Variants in CPS1 observed in about 807,000 individuals in gnomAD.
The protein encoded by CPS1 is carbamoyl-phosphate synthase 1, also known as carbamoyl-phosphate synthase [ammonia], mitochondrial.
Under a neutral mutation model 174.6 loss-of-function variants are expected in CPS1, and 109 were observed. The observed-to-expected ratio is 0.62, with a 90% CI of 0.53 to 0.73. CPS1 has a LOEUF of 0.73. CPS1 is among the 30% of genes least tolerant of loss of function. The probability of loss-of-function intolerance (pLI) is 0.00; values close to 1 mark genes in which losing one functional copy is unlikely to be tolerated. For missense variants in CPS1, 1,689 were observed against 1,821.9 expected (o/e 0.93, Z 1.33); for synonymous variants, 637 against 632.0 (o/e 1.01, Z -0.12).
intron 12 of CPS1, 74 bp downstream of exon 12, chr2:210,594,680 G>A (rs190607461): frequency 3.5e-4 from 340 of 975,834 alleles, no homozygotes; most frequent in Middle Eastern, 1.2e-3. Flanking sequence ...TAAAAACTAA[G>A]TGATGTAAGG....
intron 19 of CPS1, among the ~76,000 whole-genome samples, chr2:210,608,796 C>T (rs1462517656): frequency 6.6e-6 from 1 of 151,776 alleles, no homozygotes; most frequent in Non-Finnish European, 1.5e-5. Context: ...TGAAGGTCTT[C>T]CTATTCAAAA....
chr2:210,560,946 TATTA>T (rs1327021161), intron 1 of CPS1, among the ~76,000 whole-genome samples: 1 of 152,182 alleles, frequency 6.6e-6, no homozygotes, highest in African/African-American at 2.4e-5. Context: ...ATTTTTGAAA[TATTA>T]ATTGTGTTCA....
chr2:210,608,526 CCG>C lies in CPS1; in HGVS notation c.2359_2360del (p.Arg787AsnfsTer3). On this transcript the variant is annotated frameshift_variant, in exon 19 of 38. Transcript: ENST00000233072. LOFTEE classifies it high-confidence loss of function. ...DLDRFHGTSS[R>X]IGSSMKSVGE... ...TTGACCGTTTTCATGGAACATCTAG[CCG>C]AATTGGTAGCTCTATGAAAAGTGTA... The C allele has an allele frequency of 6.2e-7, 1 of 1,612,072 alleles. No individual in the cohort carries two copies. Among genetic ancestry groups the C allele is most frequent in the Non-Finnish European group, 8.5e-7 (1 of 1,178,688 alleles).
In CPS1 at chr2:210,499,892, G is replaced by A. The variant is rs115141004; in HGVS notation, c.3+22126G>A. On this transcript the variant is annotated intron_variant, in intron 1 of 38. Transcript: ENST00000430249. ...TATCTTTCACAATATCAGGGGATTC[G>A]TGTTGTATTAGTTTGTTCTCACACT... Among the ~76,000 whole-genome samples the A allele has an allele frequency of 2.9e-3, 437 of 152,184 alleles. 1 individual carries two copies. The highest frequency in any genetic ancestry group is 9.6e-3 in the African/African-American group (399 of 41,534).
At chr2:210,508,530 G>C (rs530953749) in intron 1 of CPS1, among the ~76,000 whole-genome samples, 1 of 152,228 alleles carries the variant, frequency 6.6e-6, no homozygotes, top group African/African-American at 2.4e-5. Flanking sequence ...ACTAAGATCA[G>C]AGCAGAACTG....
intron 1 of CPS1, among the ~76,000 whole-genome samples, chr2:210,539,830 A>G (rs1696353599): frequency 6.6e-6 from 1 of 151,826 alleles, no homozygotes; most frequent in Admixed American, 6.6e-5. Flanking sequence ...TTCTTCCTGT[A>G]CTCTCAGAAC....
chr2:210,504,566 C>T (rs1389484828), intron 1 of CPS1, among the ~76,000 whole-genome samples: 1 of 152,192 alleles, frequency 6.6e-6, no homozygotes, highest in Non-Finnish European at 1.5e-5. Flanking sequence ...GAGCCAAGCT[C>T]TGATTCCAGG....
At chr2:210,622,162 G>A (rs1699549816) in intron 21 of CPS1, among the ~76,000 whole-genome samples, 1 of 151,082 alleles carries the variant, frequency 6.6e-6, no homozygotes, top group Non-Finnish European at 1.5e-5. Context: ...GTACAATGTT[G>A]CTATTTATGT....
At chr2:210,645,095 G>T (rs75143085) in intron 25 of CPS1, among the ~76,000 whole-genome samples, 1,611 of 152,240 alleles carry the variant, frequency 0.011, 23 homozygotes, top group African/African-American at 0.037. Context: ...CGTGATATTT[G>T]GTGTTGGATC....
In CPS1 at chr2:210,656,691, AG is replaced by A. The variant is rs1353883829; in HGVS notation, c.3666+61del. The A allele has an allele frequency of 2.7e-4, 319 of 1,171,660 alleles. No individual in the cohort carries two copies. The African/African-American group carries it at 3.8e-3, about 14-fold the overall frequency. 72.6% of individuals were successfully genotyped at this position (1,171,660 alleles called of 1,614,324 possible). A position where few individuals can be genotyped will look rare whatever the true frequency, so the allele number is the denominator to read the frequency against. On this transcript the variant is annotated intron_variant, in intron 30 of 37. Coordinates refer to ENST00000233072, the MANE Select transcript of CPS1 (RefSeq NM_001875.5). Reference sequence around the variant, plus strand: ...GGCAACACTCAGAAAAAAACACCTAAGGTTTTTTTTTTTTTTTTAAAGCTAG... The same window carrying A: ...GGCAACACTCAGAAAAAAACACCTAAGTTTTTTTTTTTTTTTTAAAGCTAG...
intron 7 of CPS1, 97 bp downstream of exon 7, chr2:210,588,244 C>A: frequency 1.0e-6 from 1 of 1,002,586 alleles, no homozygotes; most frequent in Non-Finnish European, 1.6e-6. Flanking sequence ...TGCATTCTTT[C>A]AGAATGTCAG....
intron 11 of CPS1, 74 bp downstream of exon 11, chr2:210,593,030 A>G (rs1279037271): frequency 8.0e-7 from 1 of 1,254,060 alleles, no homozygotes; most frequent in African/African-American, 1.5e-5. Context: ...AGAAACCAAA[A>G]TAATCACCCC....
At chr2:210,488,315 G>A (rs1694781321) in intron 1 of CPS1, among the ~76,000 whole-genome samples, 1 of 152,162 alleles carries the variant, frequency 6.6e-6, no homozygotes, top group Non-Finnish European at 1.5e-5. Context: ...CTCTGGTTTA[G>A]AGGGAAGAAG....
chr2:210,658,492 A>G, intron 30 of CPS1, 107 bp from the exon 31 acceptor site: 1 of 789,382 alleles, frequency 1.3e-6, no homozygotes, highest in Non-Finnish European at 2.2e-6. Flanking sequence ...GCTGTCTGTG[A>G]AGAGAAATTA....
chr2:210,577,432 G>T lies in CPS1; in HGVS notation c.393G>T (p.Leu131Phe). The T allele has an allele frequency of 1.2e-6, 2 of 1,613,624 alleles. No homozygotes were observed. Among genetic ancestry groups the T allele is most frequent in the South Asian group, 2.2e-5 (2 of 91,064 alleles). The change falls in exon 4 of 38, where the codon TTG becomes TTT. Residue 131 changes from leucine to phenylalanine, a missense_variant. Physicochemically the swap from Leu to Phe is conservative, Grantham distance 22 (BLOSUM62 0). Coordinates refer to ENST00000233072, the MANE Select transcript of CPS1 (RefSeq NM_001875.5). ...GTCTGTCTTTCTAGGTTTCAGGTTT[G>T]CTGGTGCTGGATTATAGTAAAGACT... ...LESNGIKVSG[L>F]LVLDYSKDYN...
chr2:210,548,019 A>G (rs1198517496), intron 1 of CPS1, among the ~76,000 whole-genome samples: 1 of 152,092 alleles, frequency 6.6e-6, no homozygotes, highest in African/African-American at 2.4e-5. Flanking sequence ...AGAAAAACAG[A>G]CATTTATGGA....
At chr2:210,639,006 A>G (rs1235811475) in intron 22 of CPS1, 144 bp from the exon 23 acceptor site, 3 of 667,012 alleles carry the variant, frequency 4.5e-6, no homozygotes, top group Admixed American at 2.4e-5. Flanking sequence ...TTAGAAAGCA[A>G]TTCCACGGGT....
intron 1 of CPS1, among the ~76,000 whole-genome samples, chr2:210,535,383 T>G (rs999617957): frequency 7.2e-5 from 11 of 152,168 alleles, no homozygotes; most frequent in Non-Finnish European, 2.9e-5. Context: ...TCCCTCCACA[T>G]ATTAAAAGCT....
intron 36 of CPS1, 111 bp downstream of exon 36, chr2:210,675,951 A>G: frequency 1.4e-6 from 1 of 716,040 alleles, no homozygotes; most frequent in Admixed American, 2.0e-5. Context: ...CAAATTTAAA[A>G]ATGAATACAT....
Sources: gnomAD v4.1 joint callset for allele counts (sites outside exome capture counted in the v4.1 genomes callset) on GRCh38, gnomAD v4.1.1 for gene constraint, MANE v1.5 for transcripts, NCBI Gene and HGNC (gene_info 2026-07-23, HGNC 2026-07-21) for gene names.